Variants in TRHDE observed in about 807,000 individuals in gnomAD.
The protein encoded by TRHDE is thyrotropin releasing hormone degrading enzyme.
A neutral mutation model predicts 125.7 loss-of-function variants in TRHDE; 72 were observed. The observed-to-expected ratio is 0.57, with a 90% CI of 0.47 to 0.70. The LOEUF (loss-of-function observed/expected upper bound fraction) is 0.70. TRHDE is among the 30% of genes least tolerant of loss of function. The pLI is 0.00. For synonymous variants in TRHDE, 509 were observed against 509.1 expected, an observed-to-expected ratio of 1.00 and a Z score of 0.00; for missense variants, 1,110 against 1,327.1, an observed-to-expected ratio of 0.84 and a Z score of 2.54.
intron 2 of TRHDE, among the ~76,000 whole-genome samples, chr12:72,231,449 C>T (rs565153973): frequency 4.6e-5 from 7 of 152,154 alleles, no homozygotes; most frequent in East Asian, 1.9e-4. Context: ...TTCTGTTGTG[C>T]GATAGTTTAG....
At chr12:72,295,783 T>C (rs1001263894) in intron 2 of TRHDE, among the ~76,000 whole-genome samples, 1 of 74,572 alleles carries the variant, frequency 1.3e-5, no homozygotes, top group Admixed American at 1.8e-4. Context: ...ATTCTAACCA[T>C]GTATTCTATT....
intron 2 of TRHDE, among the ~76,000 whole-genome samples, chr12:72,106,164 G>A (rs1566218151): frequency 6.6e-6 from 1 of 152,092 alleles, no homozygotes. Flanking sequence ...TCCAAGTCAG[G>A]AGGACATTTT....
intron 6 of TRHDE, among the ~76,000 whole-genome samples, chr12:72,528,509 T>A (rs1005989467): frequency 1.3e-5 from 2 of 152,144 alleles, no homozygotes; most frequent in Non-Finnish European, 2.9e-5. Context: ...AAACAAATAG[T>A]GTTTTCTGAG....
At chr12:72,153,197 G>A (rs1450347055) in intron 2 of TRHDE, among the ~76,000 whole-genome samples, 2 of 152,148 alleles carry the variant, frequency 1.3e-5, no homozygotes, top group Non-Finnish European at 2.9e-5. Flanking sequence ...GGTGTTTATA[G>A]TATTCTCTGA....
At chr12:72,228,793 C>A (rs1878188213) in intron 2 of TRHDE, among the ~76,000 whole-genome samples, 1 of 152,172 alleles carries the variant, frequency 6.6e-6, no homozygotes, top group African/African-American at 2.4e-5. Context: ...TGCCAGATGT[C>A]CAAAATCATC....
At chr12:72,168,285 C>A (rs1012802256) in intron 2 of TRHDE, among the ~76,000 whole-genome samples, 3 of 152,266 alleles carry the variant, frequency 2.0e-5, no homozygotes, top group Non-Finnish European at 2.9e-5. Context: ...GGCTCTCTTG[C>A]AGCTGGAGTT....
At chr12:72,405,118 C>G (rs1356361839) in intron 3 of TRHDE, among the ~76,000 whole-genome samples, 1 of 152,054 alleles carries the variant, frequency 6.6e-6, no homozygotes, top group South Asian at 2.1e-4. Context: ...GGGTTAATTC[C>G]ACTTAATCCT....
chr12:72,344,011 A>C (rs1326387364), intron 2 of TRHDE, among the ~76,000 whole-genome samples: 2 of 151,630 alleles, frequency 1.3e-5, no homozygotes, highest in African/African-American at 4.8e-5. Context: ...ATTATTTTTC[A>C]CTGGACTCAT....
chr12:72,339,926 T>A (rs1870005440), intron 2 of TRHDE, among the ~76,000 whole-genome samples: 1 of 152,172 alleles, frequency 6.6e-6, no homozygotes, highest in Non-Finnish European at 1.5e-5. Flanking sequence ...AATGACTGTC[T>A]GATGTAAAGA....
chr12:72,590,078 A>G (rs893065022), intron 12 of TRHDE, among the ~76,000 whole-genome samples: 3 of 152,044 alleles, frequency 2.0e-5, no homozygotes, highest in Non-Finnish European at 4.4e-5. Flanking sequence ...TATATATGGT[A>G]TCATTCAGTT....
intron 18 of TRHDE, among the ~76,000 whole-genome samples, chr12:72,662,251 T>C (rs984187646): frequency 5.3e-5 from 8 of 151,966 alleles, no homozygotes; most frequent in Admixed American, 3.9e-4. Flanking sequence ...CAATTGTTAG[T>C]TCATTGCCAG....
chr12:72,595,562 A>ATGT (rs2136052601), intron 12 of TRHDE, among the ~76,000 whole-genome samples: 1 of 152,266 alleles, frequency 6.6e-6, no homozygotes, highest in South Asian at 2.1e-4. Flanking sequence ...AAGTTAAGAA[A>ATGT]TGTTTATTTT....
chr12:72,390,537 A>G (rs1332493004), intron 3 of TRHDE, among the ~76,000 whole-genome samples: 3 of 152,240 alleles, frequency 2.0e-5, no homozygotes, highest in South Asian at 2.1e-4. Flanking sequence ...ACTGAGACTG[A>G]GGGATAGTTA....
In TRHDE at chr12:72,670,043, T is replaced by G. The variant is rs1450931781; in HGVS notation, c.*6848T>G. The G allele has an allele frequency of 6.6e-6, 1 of 151,738 alleles. No individual in the cohort carries two copies. Among genetic ancestry groups the G allele is most frequent in the Non-Finnish European group, 1.5e-5 (1 of 67,776 alleles). The allele number at this position is 151,738 out of a possible 1,614,324, so 9.4% of individuals were successfully genotyped here. A position where few individuals can be genotyped will look rare whatever the true frequency, so the allele number is the denominator to read the frequency against. ...ACACCACTGAGTTTATTAGATAATC[T>G]TTAAAAATATTATGAACTATTTTGA... On this transcript the variant is annotated 3_prime_UTR_variant, in exon 19 of 19. Coordinates refer to ENST00000261180, the MANE Select transcript of TRHDE (RefSeq NM_013381.3).
At chr12:72,229,016 C>T (rs1307853955) in intron 2 of TRHDE, among the ~76,000 whole-genome samples, 1 of 152,168 alleles carries the variant, frequency 6.6e-6, no homozygotes, top group Non-Finnish European at 1.5e-5. Context: ...CCAAACTTTC[C>T]CACATCTTTC....
intron 2 of TRHDE, among the ~76,000 whole-genome samples, chr12:72,349,352 G>A (rs550474930): frequency 6.6e-6 from 1 of 152,124 alleles, no homozygotes; most frequent in African/African-American, 2.4e-5. Flanking sequence ...TTCTGAAAAT[G>A]TTAAGCATTA....
intron 2 of TRHDE, among the ~76,000 whole-genome samples, chr12:72,211,136 G>A (rs1281880540): frequency 2.6e-5 from 4 of 152,050 alleles, no homozygotes; most frequent in Admixed American, 1.3e-4. Flanking sequence ...TTCTGCTTCC[G>A]GACAAAGCTT....
At chr12:72,632,531 G>A (rs1873537976) in intron 15 of TRHDE, among the ~76,000 whole-genome samples, 2 of 151,740 alleles carry the variant, frequency 1.3e-5, no homozygotes, top group South Asian at 4.2e-4. Flanking sequence ...ATTATGTTAT[G>A]CTCTTAGAGC....
chr12:72,403,739 T>C (rs1159692194), intron 3 of TRHDE, among the ~76,000 whole-genome samples: 1 of 152,204 alleles, frequency 6.6e-6, no homozygotes, highest in Non-Finnish European at 1.5e-5. Flanking sequence ...TCTGGAATGA[T>C]GCCAACATTG....
Sources: gnomAD v4.1 joint callset for allele counts (sites outside exome capture counted in the v4.1 genomes callset) on GRCh38, gnomAD v4.1.1 for gene constraint, MANE v1.5 for transcripts, NCBI Gene and HGNC (gene_info 2026-07-23, HGNC 2026-07-21) for gene names.